The following ERCC2 variants were observed in gnomAD, a reference collection of about 807,000 sequenced individuals.
ERCC2 encodes the protein general transcription and DNA repair factor IIH helicase subunit XPD.
Under a neutral mutation model 99.4 loss-of-function variants are expected in ERCC2, and 90 were observed. The observed-to-expected ratio is 0.91, with a 90% CI of 0.76 to 1.08. The LOEUF is 1.08. Ranked by LOEUF, ERCC2 falls within the 50% of genes least tolerant of loss-of-function variation. The pLI is 0.00. For missense variants in ERCC2, 993 were observed against 1,038.1 expected, an observed-to-expected ratio of 0.96 and a Z score of 0.60; for synonymous variants, 497 against 432.4, an observed-to-expected ratio of 1.15 and a Z score of -1.85.
At chr19:45,369,255 A>C in intron 2 of ERCC2, 108 bp from the exon 3 acceptor site, 2 of 840,536 alleles carry the variant, frequency 2.4e-6, no homozygotes, top group Non-Finnish European at 4.1e-6. Context: ...GAACAGCAGG[A>C]TAACACAGCA....
intron 17 of ERCC2, among the ~76,000 whole-genome samples, chr19:45,353,739 C>G (rs1599727471): frequency 6.6e-6 from 1 of 152,170 alleles, no homozygotes; most frequent in South Asian, 2.1e-4. Flanking sequence ...CAGAAACACA[C>G]AGCCACCTGT....
intron 15 of ERCC2, among the ~76,000 whole-genome samples, chr19:45,356,006 C>T (rs1972000569): frequency 6.6e-6 from 1 of 152,154 alleles, no homozygotes; most frequent in Non-Finnish European, 1.5e-5. Flanking sequence ...CTCAGCAACC[C>T]TGTTATCTGC....
chr19:45,358,164 C>T lies in ERCC2; in HGVS notation c.1238-465G>A, dbSNP rs553997375. On this transcript the variant is annotated intron_variant, in intron 12 of 22. Transcript: ENST00000391945. ...GGGTTCAAGTGATTGATTCTCCTGC[C>T]TCAGCCTCTTGAGTAGCTGGGATTA... 5.7e-5 allele frequency: 14 copies of T among 246,036 alleles called. No homozygotes were observed. In the East Asian group the frequency reaches 9.9e-4, roughly 17 times the overall value. The allele number at this position is 246,036 out of a possible 1,614,324, so 15.2% of individuals were successfully genotyped here.
chr19:45,355,816 T>C (rs74741269), intron 15 of ERCC2, 88 bp from the exon 16 acceptor site: 3 of 200,410 alleles, frequency 1.5e-5, no homozygotes, highest in Admixed American at 9.9e-5. Flanking sequence ...GTTCTAAGCT[T>C]TTTTTTTTTT....
At chr19:45,352,085 ACTTCT>A in intron 22 of ERCC2, 119 bp downstream of exon 22, 1 of 1,171,276 alleles carries the variant, frequency 8.5e-7, no homozygotes, top group Non-Finnish European at 1.2e-6. Context: ...TGCACGATAA[ACTTCT>A]CTTTGCTGAG....
Position 45,349,953 on chromosome 19 carries a change from T to C in ERCC2, c.*1676A>G. On this transcript the variant is annotated 3_prime_UTR_variant, in exon 23 of 23. Coordinates refer to ENST00000391945, the MANE Select transcript of ERCC2 (RefSeq NM_000400.4). Reference sequence around the variant, plus strand: ...GTGGGAGCTGTCGCTCCACTTTGCGTGTGGGAAGACTGAGGCACCGAGGCC... The same window carrying C: ...GTGGGAGCTGTCGCTCCACTTTGCGCGTGGGAAGACTGAGGCACCGAGGCC... 4.9e-6 allele frequency: 2 copies of C among 411,004 alleles called. No individual in the cohort carries two copies. The allele number at this position is 411,004 out of a possible 1,614,324, so 25.5% of individuals were successfully genotyped here. A position where few individuals can be genotyped will look rare whatever the true frequency, so the allele number is the denominator to read the frequency against.
Position 45,354,616 on chromosome 19 carries a change from C to T in ERCC2, c.1665+114G>A, listed in dbSNP as rs545274048. The T allele has an allele frequency of 5.7e-6, 8 of 1,397,520 alleles. No individual in the cohort carries two copies. The African/African-American group carries it at 1.1e-4, about 20-fold the overall frequency. 86.6% of individuals were successfully genotyped at this position (1,397,520 alleles called of 1,614,324 possible). ...CATTCCTACATGCTGCACACACTCTCCTGTCACACAGGAAACCTGTCACCA... is the reference window on the plus strand; with the variant it reads ...CATTCCTACATGCTGCACACACTCTTCTGTCACACAGGAAACCTGTCACCA... On this transcript the variant is annotated intron_variant, in intron 17 of 22. Coordinates refer to ENST00000391945, the MANE Select transcript of ERCC2 (RefSeq NM_000400.4).
chr19:45,355,328 G>A (rs528326744), intron 16 of ERCC2, among the ~76,000 whole-genome samples: 8 of 148,784 alleles, frequency 5.4e-5, no homozygotes, highest in Non-Finnish European at 1.0e-4. Context: ...CTGCACTCCA[G>A]CCTAGGCAAC....
In ERCC2 at chr19:45,357,273, A is replaced by T. The variant is rs762162540; in HGVS notation, c.1476T>A (p.Pro492=). The T allele has an allele frequency of 3.0e-5, 48 of 1,610,932 alleles. No individual in the cohort carries two copies. Among genetic ancestry groups the T allele is most frequent in the Non-Finnish European group, 3.7e-5 (43 of 1,177,514 alleles). Residue 492 remains proline, a synonymous_variant, in exon 15 of 23, where the codon CCT becomes CCA. Coordinates refer to ENST00000391945, the MANE Select transcript of ERCC2 (RefSeq NM_000400.4). Reference sequence around the variant, plus strand: ...AGCCCTAGCCTCTCCCACTCACCATAGGGCAGAGGCAGACCCGTGCCAGCG... The same window carrying T: ...AGCCCTAGCCTCTCCCACTCACCATTGGGCAGAGGCAGACCCGTGCCAGCG... The part of the protein sequence containing the change: ...TMTLARVCLC[P]MIIGRGNDQV...
Position 45,350,801 on chromosome 19 carries a change from C to CA in ERCC2, c.*827dup. 7.3e-7 allele frequency: 1 copy of CA among 1,363,396 alleles called. No homozygotes were observed. The highest frequency in any genetic ancestry group is 1.0e-6 in the Non-Finnish European group (1 of 976,704). 84.5% of individuals were successfully genotyped at this position (1,363,396 alleles called of 1,614,324 possible). On this transcript the variant is annotated 3_prime_UTR_variant, in exon 23 of 23. Coordinates refer to ENST00000391945, the MANE Select transcript of ERCC2 (RefSeq NM_000400.4). Reference sequence around the variant, plus strand: ...CCTGACATCAGCAGAATCCACAGCCCACCCCACCCCCACCCCCATCTTGCT... The same window carrying CA: ...CCTGACATCAGCAGAATCCACAGCCCAACCCCACCCCCACCCCCATCTTGCT...
rs774109145 is a variant in ERCC2 at position 45,364,890 on chromosome 19, T to G, written c.542A>C (p.Lys181Thr). 1.9e-5 allele frequency: 31 copies of G among 1,613,990 alleles called. No homozygotes were observed. Among genetic ancestry groups the G allele is most frequent in the Non-Finnish European group, 2.6e-5 (31 of 1,180,022 alleles). The change falls in exon 7 of 23, where the codon AAG (lysine) becomes ACG (threonine). Residue 181 changes from lysine (K) to threonine (T), a missense_variant. Transcript: ENST00000391945. ...PAGIYNLDDL[K>T]ALGRRQGWCP... ...CCAGCCCTGGCGCCGCCCCAGGGCCTTCAGGTCATCCAGGTTGTAGATGCC... is the reference window on the plus strand; with the variant it reads ...CCAGCCCTGGCGCCGCCCCAGGGCCGTCAGGTCATCCAGGTTGTAGATGCC...
chr19:45,350,152 T>TGGTTCACGCTTGTAACCCCAACACTTTGG lies in ERCC2; in HGVS notation c.*1448_*1476dup. The TGGTTCACGCTTGTAACCCCAACACTTTGG allele has an allele frequency of 1.7e-6, 1 of 593,556 alleles. No homozygotes were observed. The highest frequency in any genetic ancestry group is 3.0e-6 in the Non-Finnish European group (1 of 335,302). 36.8% of individuals were successfully genotyped at this position (593,556 alleles called of 1,614,324 possible). On this transcript the variant is annotated 3_prime_UTR_variant, in exon 23 of 23. Coordinates refer to ENST00000391945, the MANE Select transcript of ERCC2 (RefSeq NM_000400.4). ...CATTAGAAAGTGGGGCCAGACGTGG[T>TGGTTCACGCTTGTAACCCCAACACTTTGG]GGTTCACGCTTGTAACCCCAACACT...
intron 18 of ERCC2, 33 bp downstream of exon 18, chr19:45,353,209 C>T (rs1021767397): frequency 1.5e-5 from 24 of 1,611,974 alleles, no homozygotes; most frequent in Non-Finnish European, 1.8e-5. Flanking sequence ...GCCACCTCCC[C>T]GACCCCTCTC....
chr19:45,352,124 GGTGGGGA>G lies in ERCC2; in HGVS notation c.2190+78_2190+84del, dbSNP rs1159650345. On this transcript the variant is annotated intron_variant, in intron 22 of 22. Coordinates refer to ENST00000391945, the MANE Select transcript of ERCC2 (RefSeq NM_000400.4). ...AGGGCAGGAGGACAGGCAGGCTGAG[GGTGGGGA>G]GTGGGGAGAATCCAAGGGGACTTTC... 18 of 1,451,810 alleles carry G rather than the reference GGTGGGGA, an allele frequency of 1.2e-5. No individual in the cohort carries two copies. The African/African-American group carries it at 1.5e-4, about 12-fold the overall frequency. 89.9% of individuals were successfully genotyped at this position (1,451,810 alleles called of 1,614,324 possible). A position where few individuals can be genotyped will look rare whatever the true frequency, so the allele number is the denominator to read the frequency against.
At position 45,355,726 on chromosome 19, in the gene ERCC2, G is replaced by A. The variant is rs1479769933; in HGVS notation, c.1482C>T (p.Ile494=). 1 of 1,613,772 alleles carries A rather than the reference G, an allele frequency of 6.2e-7. No homozygotes were observed. The highest frequency in any genetic ancestry group is 8.5e-7 in the Non-Finnish European group (1 of 1,179,892). Residue 494 remains isoleucine (I), a splice_region_variant and synonymous_variant, in exon 16 of 23, where the codon ATC becomes ATT. Transcript: ENST00000391945. ...CCACCTGGTCATTGCCACGGCCGAT[G>A]ATCTGGAGAGCAACAGAGGTCACGA... The part of the protein sequence containing the change: ...TLARVCLCPM[I]IGRGNDQVAI...
In ERCC2 at chr19:45,353,072, A is replaced by AGGT; in HGVS notation, c.1831+10_1831+11insACC. The AGGT allele has an allele frequency of 6.2e-7, 1 of 1,611,326 alleles. No individual in the cohort carries two copies. The highest frequency in any genetic ancestry group is 8.5e-7 in the Non-Finnish European group (1 of 1,178,752). On this transcript the variant is annotated intron_variant, in intron 19 of 22. Transcript: ENST00000391945. ...GAAGACACCTGGGGAGGAAGAGCCC[A>AGGT]GTCCACTCACCAAAGTCGATTCCCT...
chr19:45,356,581 G>A (rs557327626), intron 15 of ERCC2, among the ~76,000 whole-genome samples: 1 of 152,168 alleles, frequency 6.6e-6, no homozygotes, highest in East Asian at 1.9e-4. Context: ...AGGACCAGGC[G>A]GGCGGATCAC....
Position 45,351,327 on chromosome 19 carries a change from C to CG in ERCC2, c.*301dup, listed in dbSNP as rs1487064679. On this transcript the variant is annotated 3_prime_UTR_variant, in exon 23 of 23. Coordinates refer to ENST00000391945, the MANE Select transcript of ERCC2 (RefSeq NM_000400.4). The stretch of plus-strand genomic sequence containing the variant: ...TGGACAAGGCCCCTCGGACCCTCAG[C>CG]GCCAGCACCCAGGACCTGAGCCCCC... The CG allele has an allele frequency of 3.7e-6, 6 of 1,611,998 alleles. No homozygotes were observed. Among genetic ancestry groups the CG allele is most frequent in the Non-Finnish European group, 5.1e-6 (6 of 1,179,994 alleles).
At position 45,368,671 on chromosome 19, in the gene ERCC2, G is replaced by A; in HGVS notation, c.319C>T (p.Leu107=). ...AAGTTTTTGCGGGAGCTCAGAGCCA[G>A]TCCCAGAAACGGCAGCTTCTCGCCC... ...QEGEKLPFLG[L]ALSSRKNLCI... is the part of the protein sequence containing the mutation. Residue 107 remains leucine (L), a synonymous_variant, in exon 5 of 23, where the codon CTG becomes TTG. Transcript: ENST00000391945. 2 of 1,614,166 alleles carry A rather than the reference G, an allele frequency of 1.2e-6. No individual in the cohort carries two copies. The highest frequency in any genetic ancestry group is 1.7e-6 in the Non-Finnish European group (2 of 1,179,970).
Sources: allele counts gnomAD v4.1 joint callset (sites outside exome capture counted in the v4.1 genomes callset), GRCh38; gene constraint gnomAD v4.1.1; transcripts MANE v1.5; gene names NCBI Gene and HGNC (gene_info 2026-07-23, HGNC 2026-07-21).